Variants in SETD1A observed in about 807,000 individuals in gnomAD.
SETD1A encodes SET domain containing 1A, histone lysine methyltransferase.
In SETD1A, 29 loss-of-function variants were observed where a neutral mutation model predicts 149.9. The ratio of observed to expected loss-of-function variants is 0.19; its 90% CI spans 0.14 to 0.26. SETD1A has a LOEUF of 0.26. Among genes scored for constraint, SETD1A ranks in the 10% least tolerant of loss-of-function variants. The pLI is 1.00. For missense variants in SETD1A, 2,109 were observed against 2,353.1 expected, an observed-to-expected ratio of 0.90 and a Z score of 2.15; for synonymous variants, 1,141 against 968.5, an observed-to-expected ratio of 1.18 and a Z score of -3.31.
In SETD1A at chr16:30,979,738, C is replaced by G. The variant is rs769891276; in HGVS notation, c.3952C>G (p.Pro1318Ala). The change falls in exon 14 of 19, where the codon CCG becomes GCG. Residue 1318 changes from proline to alanine, a missense_variant. This residue lies in a region of SETD1A where 832 missense variants were observed against 815.6 expected (regional missense o/e 1.02). Transcript: ENST00000262519. ...PTPPAPALRP[P>A]EPVPAPAALF... ...GCCCCCTGCGCCAGCCCTGCGGCCC[C>G]CGGAGCCAGTGCCCGCACCCGCCGC... 6 of 1,599,376 alleles carry G rather than the reference C, an allele frequency of 3.8e-6. No homozygotes were observed. In the South Asian group the frequency reaches 6.6e-5, roughly 18 times the overall value.
rs1432074111 is a variant in SETD1A at position 30,983,106 on chromosome 16, C to T, written c.4813-529C>T. Among the ~76,000 whole-genome samples, 2 of 152,114 alleles carry T rather than the reference C, an allele frequency of 1.3e-5. No individual in the cohort carries two copies. The highest frequency in any genetic ancestry group is 2.9e-5 in the Non-Finnish European group (2 of 68,026). On this transcript the variant is annotated intron_variant, in intron 17 of 18. Coordinates refer to ENST00000262519, the MANE Select transcript of SETD1A (RefSeq NM_014712.3). The surrounding 1 kb of genome is among the most constrained non-coding windows in gnomAD (Gnocchi z 6.8). ...GGCTCTGGAAGGGAGTGAGGTCACC[C>T]GAGGAGGGCGTGCAGAGGCTCCTCA...
Position 30,963,441 on chromosome 16 carries a change from C to T in SETD1A, c.526C>T (p.Arg176Ter). 1.2e-6 allele frequency: 2 copies of T among 1,605,996 alleles called. No individual in the cohort carries two copies. The highest frequency in any genetic ancestry group is 1.7e-6 in the Non-Finnish European group (2 of 1,176,272). The change falls in exon 5 of 19, where the codon CGA becomes TGA. Residue 176 changes from arginine (R) to a stop codon, truncating the protein, a stop_gained. Coordinates refer to ENST00000262519, the MANE Select transcript of SETD1A (RefSeq NM_014712.3). LOFTEE classifies it high-confidence loss of function. Reference sequence around the variant, plus strand: ...CATTTCCCTCCCTCCAGGACAACAACGAATGAAATACTATGAACTAATTGT... The same window carrying T: ...CATTTCCCTCCCTCCAGGACAACAATGAATGAAATACTATGAACTAATTGT... ...HAQLDIKGQQ[R>*]MKYYELIVNG...
intron 6 of SETD1A, 116 bp from the exon 7 acceptor site, chr16:30,964,496 A>G (rs1417434983): frequency 6.6e-7 from 1 of 1,510,416 alleles, no homozygotes. Context: ...TAGGAACCCA[A>G]CATATAGCTC....
intron 13 of SETD1A, among the ~76,000 whole-genome samples, chr16:30,977,307 T>C (rs760731113): frequency 2.0e-5 from 3 of 151,916 alleles, no homozygotes; most frequent in Non-Finnish European, 2.9e-5. Context: ...GATTGCCGCC[T>C]GGGGATGTTA....
In SETD1A at chr16:30,966,029, C is replaced by T; in HGVS notation, c.2148C>T (p.Leu716=). 1 of 1,565,332 alleles carries T rather than the reference C, an allele frequency of 6.4e-7. No individual in the cohort carries two copies. Reference sequence around the variant, plus strand: ...GTGGGGCCTTTGGGGAGGCCTTCCTCCCGTTTCCACCCCCGCAGGAGGCAG... The same window carrying T: ...GTGGGGCCTTTGGGGAGGCCTTCCTTCCGTTTCCACCCCCGCAGGAGGCAG... ...PPGGAFGEAF[L]PFPPPQEAAY... is the part of the protein sequence containing the mutation. Residue 716 remains leucine, a synonymous_variant, in exon 8 of 19, where the codon CTC becomes CTT. Transcript: ENST00000262519.
At position 30,980,453 on chromosome 16, in the gene SETD1A, G is replaced by A; in HGVS notation, c.4409-32G>A. ...TTTGGCTGGGACGCAGGTGGCCAGA[G>A]AGGAGCCGTTCTCTTCCTTAACACC... On this transcript the variant is annotated intron_variant, in intron 14 of 18. Transcript: ENST00000262519. This position sits in a 1 kb window ranked among gnomAD's most constrained non-coding sequence, Gnocchi z 7.7. 6.3e-7 allele frequency: 1 copy of A among 1,591,384 alleles called. No individual in the cohort carries two copies. Among genetic ancestry groups the A allele is most frequent in the Non-Finnish European group, 8.6e-7 (1 of 1,166,868 alleles).
Position 30,979,360 on chromosome 16 carries a change from C to G in SETD1A, c.3574C>G (p.Pro1192Ala). 1 of 1,612,914 alleles carries G rather than the reference C, an allele frequency of 6.2e-7. No individual in the cohort carries two copies. The highest frequency in any genetic ancestry group is 8.5e-7 in the Non-Finnish European group (1 of 1,179,552). The change falls in exon 14 of 19, where the codon CCC (proline) becomes GCC (alanine). Residue 1192 changes from proline to alanine, a missense_variant. Pro to Ala is a conservative substitution (Grantham distance 27, BLOSUM62 -1). Transcript: ENST00000262519. ...PPATPPQAKFPGPASRKAPRG... is the reference protein window; with the variant it reads ...PPATPPQAKFAGPASRKAPRG... ...AGCCACACCGCCGCAGGCCAAGTTTCCCGGCCCAGCCTCCCGCAAGGCTCC... is the reference window on the plus strand; with the variant it reads ...AGCCACACCGCCGCAGGCCAAGTTTGCCGGCCCAGCCTCCCGCAAGGCTCC...
At chr16:30,968,467 T>C (rs953017416) in intron 10 of SETD1A, among the ~76,000 whole-genome samples, 3 of 150,328 alleles carry the variant, frequency 2.0e-5, no homozygotes, top group African/African-American at 2.5e-5. Context: ...CACACAAATA[T>C]ATACACACAC....
In SETD1A at chr16:30,964,326, A is replaced by G; in HGVS notation, c.869+3A>G. 1 of 1,611,098 alleles carries G rather than the reference A, an allele frequency of 6.2e-7. No individual in the cohort carries two copies. The highest frequency in any genetic ancestry group is 8.5e-7 in the Non-Finnish European group (1 of 1,177,530). ...CAGGACTCTGCCTACTCCAGCAGGT[A>G]CAGAGCAGACCCCGCCTGGGGCCCC... On this transcript the variant is annotated splice_donor_region_variant and intron_variant, in intron 6 of 18. Transcript: ENST00000262519.
chr16:30,958,979 A>AGT, intron 2 of SETD1A, 98 bp downstream of exon 2: 2 of 1,527,270 alleles, frequency 1.3e-6, no homozygotes, highest in Non-Finnish European at 1.8e-6. Context: ...CCTTCTTGAA[A>AGT]GTGGGCAGTT....
rs569060284 is a variant in SETD1A at position 30,963,666 on chromosome 16, G to T, written c.639+112G>T. ...GGGCTTTCCCGTTAAACAAAGAAGA[G>T]CCAAGCAAAGCTGCTGAGATGCTTT... On this transcript the variant is annotated intron_variant, in intron 5 of 18. Coordinates refer to ENST00000262519, the MANE Select transcript of SETD1A (RefSeq NM_014712.3). The T allele has an allele frequency of 4.9e-5, 57 of 1,165,128 alleles. No homozygotes were observed. In the African/African-American group the frequency reaches 8.3e-4, roughly 17 times the overall value. 72.2% of individuals were successfully genotyped at this position (1,165,128 alleles called of 1,614,324 possible).
chr16:30,971,523 C>T lies in SETD1A; in HGVS notation c.3162C>T (p.Ser1054=). 1.2e-6 allele frequency: 2 copies of T among 1,613,830 alleles called. No individual in the cohort carries two copies. Among genetic ancestry groups the T allele is most frequent in the South Asian group, 1.1e-5 (1 of 91,072 alleles). Residue 1054 remains serine (S), a synonymous_variant, in exon 13 of 19, where the codon TCC becomes TCT. Transcript: ENST00000262519. ...CCTCCTCGTCCTCATCCTCCTCGTC[C>T]TCTTCATCCTCTGAGTCCTCCTCTG... ...SSSSSSSSSS[S]SSSSESSSED... is the part of the protein sequence containing the mutation.
Position 30,961,912 on chromosome 16 carries a change from G to T in SETD1A, c.517+375G>T, listed in dbSNP as rs1464037264. 6.6e-6 allele frequency among the ~76,000 whole-genome samples: 1 copy of T among 152,112 alleles called. No individual in the cohort carries two copies. Among genetic ancestry groups the T allele is most frequent in the Admixed American group, 6.6e-5 (1 of 15,266 alleles). On this transcript the variant is annotated intron_variant, in intron 4 of 18. Transcript: ENST00000262519. The surrounding 1 kb of genome is among the most constrained non-coding windows in gnomAD (Gnocchi z 4.0). Reference sequence around the variant, plus strand: ...CACCTAGGCTGGAGAGCAGTGGCGTGATCTTTCCTCACTGCAGCCTCCAGC... The same window carrying T: ...CACCTAGGCTGGAGAGCAGTGGCGTTATCTTTCCTCACTGCAGCCTCCAGC...
chr16:30,976,463 A>G (rs545998959), intron 13 of SETD1A, among the ~76,000 whole-genome samples: 63 of 152,268 alleles, frequency 4.1e-4, no homozygotes, highest in Non-Finnish European at 7.6e-4. Flanking sequence ...GGCTGGCTCC[A>G]CAGGGTAAAG....
At chr16:30,959,426 G>T (rs908269369) in intron 3 of SETD1A, among the ~76,000 whole-genome samples, 2 of 152,100 alleles carry the variant, frequency 1.3e-5, no homozygotes, top group African/African-American at 4.8e-5. Context: ...GAAGGGTGAG[G>T]TAAAGACTCT....
At chr16:30,974,960 A>G (rs1206777636) in intron 13 of SETD1A, among the ~76,000 whole-genome samples, 2 of 152,152 alleles carry the variant, frequency 1.3e-5, no homozygotes, top group African/African-American at 4.8e-5. Context: ...GGCCAGCACC[A>G]ACATGGTGAA....
chr16:30,958,243 G>A (rs1426562862), intron 1 of SETD1A: 1 of 152,490 alleles, frequency 6.6e-6, no homozygotes, highest in East Asian at 1.9e-4. Context: ...CCGGATTCGG[G>A]GTCGAAGCCG....
chr16:30,960,177 G>T (rs987898134), intron 3 of SETD1A, among the ~76,000 whole-genome samples: 7 of 152,058 alleles, frequency 4.6e-5, no homozygotes, highest in Admixed American at 2.0e-4. Context: ...TCTTGCCTCA[G>T]TTTCTCCTCT....
rs186135846 is a variant in SETD1A at position 30,964,423 on chromosome 16, A to G, written c.869+100A>G. Reference sequence around the variant, plus strand: ...CTGTCTCCAAGAGGGAGTTGGAAATAATTTGTCCTAGTTTCTCTGTGGATT... The same window carrying G: ...CTGTCTCCAAGAGGGAGTTGGAAATGATTTGTCCTAGTTTCTCTGTGGATT... On this transcript the variant is annotated intron_variant, in intron 6 of 18. Transcript: ENST00000262519. 2.6e-5 allele frequency: 34 copies of G among 1,325,978 alleles called. No individual in the cohort carries two copies. The African/African-American group carries it at 3.2e-4, about 13-fold the overall frequency. The allele number at this position is 1,325,978 out of a possible 1,614,324, so 82.1% of individuals were successfully genotyped here. A position where few individuals can be genotyped will look rare whatever the true frequency, so the allele number is the denominator to read the frequency against.
Sources: gnomAD v4.1 joint callset for allele counts (sites outside exome capture counted in the v4.1 genomes callset) on GRCh38, gnomAD v4.1.1 for gene constraint, gnomAD v4.1.1 regional missense constraint, Gnocchi (gnomAD v3.1) non-coding constraint, MANE v1.5 for transcripts, NCBI Gene and HGNC (gene_info 2026-07-23, HGNC 2026-07-21) for gene names.